NLGN1: variants seen among roughly 807,000 people sequenced by gnomAD.
NLGN1 encodes the protein neuroligin 1.
NLGN1 carries 12 observed loss-of-function variants against 65.5 expected under a neutral mutation model. The observed-to-expected ratio is 0.18, with a 90% CI of 0.12 to 0.30. The LOEUF is 0.30. NLGN1 is among the 10% of genes least tolerant of loss of function. NLGN1 has a pLI of 1.00. For missense variants in NLGN1, 750 were observed against 1,007.1 expected (o/e 0.74, Z 3.46); for synonymous variants, 350 against 359.5 (o/e 0.97, Z 0.30).
At chr3:174,048,089 A>G (rs1027854057) in intron 4 of NLGN1, among the ~76,000 whole-genome samples, 3 of 152,102 alleles carry the variant, frequency 2.0e-5, no homozygotes, top group African/African-American at 7.2e-5. Flanking sequence ...ATACTCAGCA[A>G]GGAGAGAATT....
chr3:174,195,986 T>A (rs1316055164), intron 4 of NLGN1, among the ~76,000 whole-genome samples: 2 of 152,136 alleles, frequency 1.3e-5, no homozygotes, highest in East Asian at 3.9e-4. Flanking sequence ...TAATGCTCTG[T>A]CAAGATTGAT....
intron 4 of NLGN1, among the ~76,000 whole-genome samples, chr3:174,274,962 C>G (rs555388282): frequency 1.3e-5 from 2 of 151,936 alleles, no homozygotes; most frequent in East Asian, 3.9e-4. Flanking sequence ...CTGCAAGATA[C>G]ACGTTCACAT....
At chr3:173,647,584 G>A (rs1223895891) in intron 3 of NLGN1, among the ~76,000 whole-genome samples, 2 of 151,772 alleles carry the variant, frequency 1.3e-5, no homozygotes, top group African/African-American at 2.4e-5. Context: ...ATAACACTTG[G>A]ATCAAAAATA....
intron 4 of NLGN1, among the ~76,000 whole-genome samples, chr3:174,140,644 C>T (rs748738005): frequency 6.6e-6 from 1 of 152,126 alleles, no homozygotes; most frequent in African/African-American, 2.4e-5. Flanking sequence ...CATTACTCCA[C>T]GTTACTATAT....
chr3:174,201,572 C>T (rs778081288), intron 4 of NLGN1, among the ~76,000 whole-genome samples: 24 of 18,704 alleles, frequency 1.3e-3, no homozygotes, highest in Non-Finnish European at 8.5e-4. Flanking sequence ...AAATTACAGC[C>T]TAGTGATCTA....
In NLGN1 at chr3:174,241,701, T is replaced by A. The variant is rs568551498; in HGVS notation, c.647-33614T>A. 2.5e-3 allele frequency among the ~76,000 whole-genome samples: 375 copies of A among 151,952 alleles called. 2 individuals are homozygous for A. The highest frequency in any genetic ancestry group is 8.5e-3 in the African/African-American group (352 of 41,450). On this transcript the variant is annotated intron_variant, in intron 4 of 6. Coordinates refer to ENST00000457714, the Ensembl canonical transcript of NLGN1. ...CGGAGTCTCGTTCTGTCCCCCAGGC[T>A]GGAGTGCAGTGGCACGATCTCGGCT... is the stretch of plus-strand genomic sequence containing the variant.
chr3:174,254,255 C>G (rs552812244), intron 4 of NLGN1, among the ~76,000 whole-genome samples: 1 of 149,372 alleles, frequency 6.7e-6, no homozygotes. Flanking sequence ...GGTTCGCAAA[C>G]TTGTCTCTTA....
intron 4 of NLGN1, among the ~76,000 whole-genome samples, chr3:173,987,230 TAA>T (rs1720139848): frequency 6.6e-6 from 1 of 152,178 alleles, no homozygotes; most frequent in East Asian, 1.9e-4. Context: ...AGCCTAACAC[TAA>T]GAGGTCAGAG....
chr3:173,872,313 T>C (rs954967516), intron 4 of NLGN1, among the ~76,000 whole-genome samples: 5 of 152,220 alleles, frequency 3.3e-5, no homozygotes, highest in African/African-American at 1.2e-4. Flanking sequence ...AGTGTGGGCC[T>C]ATGCTAGTGA....
In NLGN1 at chr3:173,635,994, A is replaced by G. The variant is rs1415078000; in HGVS notation, c.493+30903A>G. On this transcript the variant is annotated intron_variant, in intron 3 of 6. Coordinates refer to ENST00000457714, the Ensembl canonical transcript of NLGN1. ...TCCACAGCAGAAGAGACTGTAGTATATTTATTGGCCTTGCTATCGAGGGTG... is the reference window on the plus strand; with the variant it reads ...TCCACAGCAGAAGAGACTGTAGTATGTTTATTGGCCTTGCTATCGAGGGTG... 5.3e-5 allele frequency among the ~76,000 whole-genome samples: 8 copies of G among 152,248 alleles called. No individual in the cohort carries two copies. In the South Asian group the frequency reaches 1.5e-3, roughly 28 times the overall value.
intron 3 of NLGN1, among the ~76,000 whole-genome samples, chr3:173,733,818 T>C (rs35006472): frequency 0.59 from 89,697 of 151,870 alleles, 26,680 homozygotes; most frequent in East Asian, 0.74. Context: ...GAACACTGTT[T>C]GTGTAAAAAT....
intron 1 of NLGN1, among the ~76,000 whole-genome samples, chr3:173,424,156 C>A (rs1415014676): frequency 6.6e-6 from 1 of 152,194 alleles, no homozygotes; most frequent in Admixed American, 6.5e-5. Flanking sequence ...GCTGGAGCAG[C>A]TGGAATGCAG....
intron 3 of NLGN1, among the ~76,000 whole-genome samples, chr3:173,651,082 C>T (rs1759098578): frequency 6.6e-6 from 1 of 151,850 alleles, no homozygotes; most frequent in African/African-American, 2.4e-5. Context: ...TCACCTGTCT[C>T]CCACCCTCCT....
intron 4 of NLGN1, among the ~76,000 whole-genome samples, chr3:174,248,948 C>T (rs13088246): frequency 0.21 from 31,380 of 152,172 alleles, 3,498 homozygotes; most frequent in East Asian, 0.5. Flanking sequence ...TTCTCTGCTT[C>T]CTACTCTGTG....
At chr3:173,597,970 A>T (rs1749778140) in intron 2 of NLGN1, among the ~76,000 whole-genome samples, 1 of 152,100 alleles carries the variant, frequency 6.6e-6, no homozygotes, top group South Asian at 2.1e-4. Flanking sequence ...TTAGATGGCC[A>T]TTATTTTTAA....
chr3:173,911,992 C>T (rs192081939), intron 4 of NLGN1, among the ~76,000 whole-genome samples: 5 of 152,150 alleles, frequency 3.3e-5, no homozygotes, highest in Admixed American at 6.5e-5. Context: ...TTACAATGTG[C>T]TAAATTTTTT....
At chr3:173,879,510 A>G (rs1732813423) in intron 4 of NLGN1, among the ~76,000 whole-genome samples, 1 of 152,176 alleles carries the variant, frequency 6.6e-6, no homozygotes, top group Admixed American at 6.6e-5. Context: ...GGTTTTCCTC[A>G]CATCCTTGAG....
chr3:173,479,273 T>TC (rs1240558813), intron 2 of NLGN1, among the ~76,000 whole-genome samples: 1 of 146,862 alleles, frequency 6.8e-6, no homozygotes, highest in Non-Finnish European at 1.5e-5. Flanking sequence ...TGGGCAAGAG[T>TC]GAGGATGAAG....
At chr3:174,109,554 T>C (rs13319021) in intron 4 of NLGN1, among the ~76,000 whole-genome samples, 43,851 of 151,846 alleles carry the variant, frequency 0.29, 8,462 homozygotes, top group African/African-American at 0.56. Flanking sequence ...CAAGAGGATC[T>C]TTTCTCTTTT....
Sources: allele counts gnomAD v4.1 joint callset (sites outside exome capture counted in the v4.1 genomes callset), GRCh38; gene constraint gnomAD v4.1.1; transcripts MANE v1.5; gene names NCBI Gene and HGNC (gene_info 2026-07-23, HGNC 2026-07-21).